The following DLG2 variants were observed in gnomAD, a reference collection of about 807,000 sequenced individuals.
DLG2 encodes discs large MAGUK scaffold protein 2.
A neutral mutation model predicts 132.5 loss-of-function variants in DLG2; 45 were observed. That is an observed-to-expected ratio of 0.34 (90% confidence interval 0.27 to 0.44). The LOEUF is 0.44. DLG2 is among the 20% of genes least tolerant of loss of function. DLG2 has a pLI of 1.00. For synonymous variants in DLG2, 424 were observed against 419.6 expected, an observed-to-expected ratio of 1.01 and a Z score of -0.13; for missense variants, 1,045 against 1,196.9, an observed-to-expected ratio of 0.87 and a Z score of 1.87.
chr11:84,279,742 A>T (rs1310630213), intron 7 of DLG2, among the ~76,000 whole-genome samples: 1 of 152,204 alleles, frequency 6.6e-6, no homozygotes, highest in Admixed American at 6.5e-5. Flanking sequence ...CTCACTCATA[A>T]GTAGGAGTTG....
chr11:85,475,390 G>C (rs191017941), intron 3 of DLG2, among the ~76,000 whole-genome samples: 1 of 151,794 alleles, frequency 6.6e-6, no homozygotes, highest in South Asian at 2.1e-4. Flanking sequence ...ATATAACCTT[G>C]AAACCAAAAT....
chr11:84,845,183 GT>G (rs1353495847), intron 6 of DLG2, among the ~76,000 whole-genome samples: 1 of 152,084 alleles, frequency 6.6e-6, no homozygotes, highest in Non-Finnish European at 1.5e-5. Flanking sequence ...CAGGAAACTT[GT>G]GATTCAGACA....
chr11:84,413,877 C>T (rs1567570025), intron 7 of DLG2, among the ~76,000 whole-genome samples: 1 of 152,084 alleles, frequency 6.6e-6, no homozygotes, highest in East Asian at 1.9e-4. Flanking sequence ...CTGACTCCTC[C>T]AGGAGGAAAC....
intron 19 of DLG2, among the ~76,000 whole-genome samples, chr11:83,590,002 T>C (rs2097159378): frequency 7.3e-6 from 1 of 136,340 alleles, no homozygotes; most frequent in East Asian, 2.2e-4. Flanking sequence ...AAGTCCTGAG[T>C]GACCTACAAA....
intron 19 of DLG2, among the ~76,000 whole-genome samples, chr11:83,556,025 C>T (rs115619347): frequency 0.016 from 2,368 of 152,300 alleles, 76 homozygotes; most frequent in African/African-American, 0.053. Context: ...TACAGGAACT[C>T]TGCAGGATGA....
intron 14 of DLG2, among the ~76,000 whole-genome samples, chr11:83,941,298 A>C (rs1190976573): frequency 7.4e-6 from 1 of 135,508 alleles, no homozygotes; most frequent in African/African-American, 2.5e-5. Flanking sequence ...GCCTTCCAGC[A>C]TATACATTTA....
intron 3 of DLG2, among the ~76,000 whole-genome samples, chr11:85,301,602 G>GA (rs1335525501): frequency 2.0e-5 from 3 of 152,110 alleles, no homozygotes; most frequent in South Asian, 2.1e-4. Context: ...CTGTAGAAAT[G>GA]AAAAAACTAA....
At chr11:84,795,391 T>C (rs2074441827) in intron 6 of DLG2, among the ~76,000 whole-genome samples, 1 of 151,194 alleles carries the variant, frequency 6.6e-6, no homozygotes, top group Non-Finnish European at 1.5e-5. Flanking sequence ...AGCTGAACAC[T>C]TGACACGACA....
chr11:84,799,942 T>G (rs2075162428), intron 6 of DLG2, among the ~76,000 whole-genome samples: 1 of 152,216 alleles, frequency 6.6e-6, no homozygotes, highest in Non-Finnish European at 1.5e-5. Flanking sequence ...CATTTGCATA[T>G]GCTTTATGAG....
intron 6 of DLG2, among the ~76,000 whole-genome samples, chr11:84,600,704 C>A (rs896978474): frequency 2.6e-4 from 39 of 152,122 alleles, no homozygotes; most frequent in African/African-American, 9.4e-4. Context: ...CACTGCTTAA[C>A]AAAACCAGAA....
At chr11:84,059,949 T>C (rs574849267) in intron 10 of DLG2, among the ~76,000 whole-genome samples, 60 of 152,316 alleles carry the variant, frequency 3.9e-4, no homozygotes, top group Middle Eastern at 3.4e-3. Flanking sequence ...AAGTAATAAG[T>C]AATCATTTTC....
intron 6 of DLG2, among the ~76,000 whole-genome samples, chr11:84,571,453 C>G (rs919303129): frequency 6.6e-6 from 1 of 151,978 alleles, no homozygotes; most frequent in South Asian, 2.1e-4. Flanking sequence ...AGCATCCCAA[C>G]AGAACTCTTA....
intron 7 of DLG2, among the ~76,000 whole-genome samples, chr11:84,280,998 G>C (rs183185682): frequency 0.012 from 1,849 of 150,480 alleles, 23 homozygotes; most frequent in Non-Finnish European, 0.02. Context: ...TGGGATTACA[G>C]GCGTGAGCCA....
In DLG2 at chr11:84,775,325, G is replaced by A. The variant is rs183713482; in HGVS notation, c.358-240594C>T. 2.5e-3 allele frequency among the ~76,000 whole-genome samples: 378 copies of A among 152,288 alleles called. 3 individuals are homozygous for A. Among genetic ancestry groups the A allele is most frequent in the Non-Finnish European group, 4.2e-3 (285 of 68,022 alleles). ...AAGGGAATGCTTGTACACCTTTGGT[G>A]GGAATGTAAATTAGTCCAGCCACTG... On this transcript the variant is annotated intron_variant, in intron 6 of 27. Transcript: ENST00000376104.
chr11:84,018,671 T>C (rs1001633606), intron 11 of DLG2, among the ~76,000 whole-genome samples: 2 of 151,978 alleles, frequency 1.3e-5, no homozygotes, highest in African/African-American at 4.8e-5. Flanking sequence ...TTTTTTCTTT[T>C]TTGAAAGAGT....
At chr11:84,881,369 CT>C (rs1386636718) in intron 6 of DLG2, among the ~76,000 whole-genome samples, 1 of 152,136 alleles carries the variant, frequency 6.6e-6, no homozygotes, top group Non-Finnish European at 1.5e-5. Context: ...CTCCTCCTCT[CT>C]CTCAGGCTGA....
At chr11:83,682,392 CAT>C in intron 18 of DLG2, 1 of 985,388 alleles carries the variant, frequency 1.0e-6, no homozygotes, top group Non-Finnish European at 1.2e-6. Flanking sequence ...TCACTGGGTA[CAT>C]ATATTTCCTT....
chr11:85,361,483 A>G (rs543236546), intron 3 of DLG2, among the ~76,000 whole-genome samples: 3 of 152,246 alleles, frequency 2.0e-5, no homozygotes, highest in Admixed American at 1.3e-4. Flanking sequence ...GGAGTCTCCA[A>G]TGGCTATTAT....
intron 7 of DLG2, among the ~76,000 whole-genome samples, chr11:84,323,652 C>T (rs1035033889): frequency 6.6e-6 from 1 of 151,750 alleles, no homozygotes; most frequent in Non-Finnish European, 1.5e-5. Flanking sequence ...TTTACATTCC[C>T]CAAAACAATG....
Sources: allele counts gnomAD v4.1 joint callset (sites outside exome capture counted in the v4.1 genomes callset), GRCh38; gene constraint gnomAD v4.1.1; transcripts MANE v1.5; gene names NCBI Gene and HGNC (gene_info 2026-07-23, HGNC 2026-07-21).